Variants in NR6A1 observed in about 807,000 individuals in gnomAD.
NR6A1 encodes the protein nuclear receptor subfamily 6 group A member 1, also known as retinoic acid receptor-related testis-associated receptor.
A neutral mutation model predicts 59.1 loss-of-function variants in NR6A1; 7 were observed. The ratio of observed to expected loss-of-function variants is 0.12; its 90% CI spans 0.07 to 0.22. The LOEUF (loss-of-function observed/expected upper bound fraction) is 0.22. Ranked by LOEUF, NR6A1 falls within the 10% of genes least tolerant of loss-of-function variation. NR6A1 has a pLI of 1.00. For synonymous variants in NR6A1, 243 were observed against 236.1 expected (o/e 1.03, Z -0.27); for missense variants, 468 against 611.6 (o/e 0.77, Z 2.48).
At chr9:124,742,504 G>A (rs1028406792) in intron 1 of NR6A1, among the ~76,000 whole-genome samples, 1 of 152,006 alleles carries the variant, frequency 6.6e-6, no homozygotes, top group African/African-American at 2.4e-5. Context: ...AGGTTGTGGT[G>A]AGCCGAGATC....
chr9:124,638,898 T>C (rs1836693369), intron 2 of NR6A1, among the ~76,000 whole-genome samples: 1 of 152,182 alleles, frequency 6.6e-6, no homozygotes, highest in Non-Finnish European at 1.5e-5. Context: ...AGTTTTGCCA[T>C]ACTATTCAAG....
At chr9:124,624,984 G>C (rs1219671586) in intron 2 of NR6A1, among the ~76,000 whole-genome samples, 1 of 144,856 alleles carries the variant, frequency 6.9e-6, no homozygotes, top group Admixed American at 7.1e-5. Context: ...TTTAGGTTCT[G>C]CCAATATATA....
chr9:124,743,570 AC>A (rs1238343727), intron 1 of NR6A1, among the ~76,000 whole-genome samples: 3 of 152,178 alleles, frequency 2.0e-5, no homozygotes, highest in Non-Finnish European at 4.4e-5. Flanking sequence ...CATCTGATCA[AC>A]CTACATCACC....
intron 2 of NR6A1, among the ~76,000 whole-genome samples, chr9:124,639,396 C>A (rs2130897641): frequency 6.6e-6 from 1 of 152,310 alleles, no homozygotes; most frequent in African/African-American, 2.4e-5. Flanking sequence ...TACTGAAGCC[C>A]AGCAATCCTC....
chr9:124,590,402 G>A (rs984435781), intron 2 of NR6A1, among the ~76,000 whole-genome samples: 3 of 151,212 alleles, frequency 2.0e-5, no homozygotes, highest in African/African-American at 7.3e-5. Flanking sequence ...CCCAAAGTGA[G>A]AGCAAATCCC....
chr9:124,712,110 A>G (rs552986885), intron 2 of NR6A1, among the ~76,000 whole-genome samples: 32 of 152,294 alleles, frequency 2.1e-4, no homozygotes, highest in African/African-American at 7.7e-4. Flanking sequence ...TGGCATACCC[A>G]CCAATACATT....
At chr9:124,525,456 T>C (rs1054211999) in intron 8 of NR6A1, among the ~76,000 whole-genome samples, 5 of 152,046 alleles carry the variant, frequency 3.3e-5, no homozygotes, top group African/African-American at 7.2e-5. Flanking sequence ...GCTGGCTCAA[T>C]AGATTCTCCC....
chr9:124,561,094 GA>G (rs1436702737), intron 2 of NR6A1, among the ~76,000 whole-genome samples: 1 of 151,928 alleles, frequency 6.6e-6, no homozygotes, highest in Non-Finnish European at 1.5e-5. Context: ...CTCTTCTATA[GA>G]ATGTGGATAT....
At chr9:124,611,774 A>AGAGAGAGAGAGAGAGAGAGAGAGAGAGT (rs148472095) in intron 2 of NR6A1, among the ~76,000 whole-genome samples, 4 of 105,666 alleles carry the variant, frequency 3.8e-5, no homozygotes, top group African/African-American at 1.4e-4. Flanking sequence ...AGAGAGAGAG[A>AGAGAGAGAGAGAGAGAGAGAGAGAGAGT]GAGAGAGAAT....
chr9:124,593,564 T>C (rs1835189353), intron 2 of NR6A1, among the ~76,000 whole-genome samples: 1 of 152,164 alleles, frequency 6.6e-6, no homozygotes, highest in Non-Finnish European at 1.5e-5. Context: ...TAAAAATCAA[T>C]TTGGAGTTAT....
At chr9:124,678,374 T>A (rs1353614853) in intron 2 of NR6A1, among the ~76,000 whole-genome samples, 1 of 152,230 alleles carries the variant, frequency 6.6e-6, no homozygotes, top group African/African-American at 2.4e-5. Context: ...GAACTTAGTA[T>A]TTCAATCAAA....
intron 2 of NR6A1, among the ~76,000 whole-genome samples, chr9:124,686,308 G>A (rs982518639): frequency 1.3e-5 from 2 of 151,660 alleles, no homozygotes; most frequent in African/African-American, 4.9e-5. Context: ...AACTGTTCTT[G>A]TTTATTTCAT....
intron 2 of NR6A1, among the ~76,000 whole-genome samples, chr9:124,649,088 G>T (rs1158036639): frequency 6.6e-6 from 1 of 151,764 alleles, no homozygotes; most frequent in African/African-American, 2.4e-5. Flanking sequence ...CGCAGAAATA[G>T]AAAAATCCTA....
chr9:124,628,030 T>C (rs149289819), intron 2 of NR6A1, among the ~76,000 whole-genome samples: 53 of 151,860 alleles, frequency 3.5e-4, no homozygotes, highest in African/African-American at 1.1e-3. Context: ...GTTGTTGTTA[T>C]TGTTGTTGTT....
chr9:124,573,107 G>A (rs1293078600), intron 2 of NR6A1, among the ~76,000 whole-genome samples: 1 of 152,086 alleles, frequency 6.6e-6, no homozygotes, highest in Non-Finnish European at 1.5e-5. Flanking sequence ...AATGGGGTGG[G>A]AAAAAAGAAG....
intron 3 of NR6A1, among the ~76,000 whole-genome samples, chr9:124,552,702 A>T (rs984750046): frequency 6.6e-6 from 1 of 152,170 alleles, no homozygotes; most frequent in African/African-American, 2.4e-5. Context: ...TGTATCTGTA[A>T]ACTGGGGATA....
At chr9:124,618,705 C>T (rs1397513203) in intron 2 of NR6A1, among the ~76,000 whole-genome samples, 1 of 152,148 alleles carries the variant, frequency 6.6e-6, no homozygotes, top group Non-Finnish European at 1.5e-5. Flanking sequence ...CACATCCTTA[C>T]CTATCAAGAG....
At chr9:124,682,341 C>T (rs181466686) in intron 2 of NR6A1, among the ~76,000 whole-genome samples, 21 of 152,136 alleles carry the variant, frequency 1.4e-4, no homozygotes, top group Admixed American at 7.2e-4. Flanking sequence ...AGATCTAGTA[C>T]GGTATCAAAA....
intron 2 of NR6A1, among the ~76,000 whole-genome samples, chr9:124,706,366 T>C (rs1039020235): frequency 2.0e-5 from 3 of 152,352 alleles, no homozygotes; most frequent in African/African-American, 4.8e-5. Context: ...CTTATGGATT[T>C]GAGTTACCAT....
Sources: gnomAD v4.1 joint callset for allele counts (sites outside exome capture counted in the v4.1 genomes callset) on GRCh38, gnomAD v4.1.1 for gene constraint, MANE v1.5 for transcripts, NCBI Gene and HGNC (gene_info 2026-07-23, HGNC 2026-07-21) for gene names.